FAP: variants seen among roughly 807,000 people sequenced by gnomAD.
The protein encoded by FAP is fibroblast activation protein alpha, also known as prolyl endopeptidase FAP.
FAP carries 110 observed loss-of-function variants against 126.5 expected under a neutral mutation model. The observed-to-expected ratio is 0.87, with a 90% CI of 0.74 to 1.02. The LOEUF is 1.02. FAP is among the 50% of genes least tolerant of loss of function. FAP has a pLI of 0.00. For synonymous variants in FAP, 334 were observed against 297.3 expected (o/e 1.12, Z -1.27); for missense variants, 919 against 909.2 (o/e 1.01, Z -0.14).
Position 162,215,940 on chromosome 2 carries a change from A to G in FAP, c.824T>C (p.Val275Ala), listed in dbSNP as rs1689143906. The G allele has an allele frequency of 2.5e-6, 4 of 1,614,008 alleles. No individual in the cohort carries two copies. The highest frequency in any genetic ancestry group is 1.3e-5 in the African/African-American group (1 of 74,930). The change falls in exon 10 of 26, where the codon GTA (valine) becomes GCA (alanine). Residue 275 changes from valine to alanine, a missense_variant. By Grantham distance (64) the Val-to-Ala change is moderately conservative (BLOSUM62 0). Transcript: ENST00000188790. ...TGGAACAGGCACTTCCTGGGGACCT[A>G]CATACGCAGGGTAAGTGGTATCGAT... Reference protein sequence around the residue: ...FIIDTTYPAYVGPQEVPVPAM... With the variant: ...FIIDTTYPAYAGPQEVPVPAM...
chr2:162,188,133 G>C, intron 20 of FAP, 36 bp downstream of exon 20: 2 of 1,530,240 alleles, frequency 1.3e-6, no homozygotes, highest in Non-Finnish European at 1.8e-6. Flanking sequence ...GACTTTTGTT[G>C]CATGTTGACA....
intron 6 of FAP, 37 bp from the exon 7 acceptor site, chr2:162,219,962 G>T: frequency 1.5e-6 from 2 of 1,349,180 alleles, no homozygotes; most frequent in Non-Finnish European, 2.1e-6. Context: ...AACAAACCTT[G>T]CTGTTTAATG....
At chr2:162,208,714 T>C (rs1688805389) in intron 12 of FAP, among the ~76,000 whole-genome samples, 2 of 152,116 alleles carry the variant, frequency 1.3e-5, no homozygotes, top group Admixed American at 6.5e-5. Flanking sequence ...GAGATTCAGA[T>C]TGATTAAGAA....
intron 2 of FAP, among the ~76,000 whole-genome samples, chr2:162,242,555 C>T (rs1311005304): frequency 4.6e-5 from 7 of 152,160 alleles, no homozygotes; most frequent in Admixed American, 6.5e-5. Flanking sequence ...TTACTTTCCA[C>T]GAGACAAACC....
chr2:162,198,054 G>A (rs1262574836), intron 16 of FAP: 3 of 721,594 alleles, frequency 4.2e-6, no homozygotes, highest in East Asian at 6.6e-5. Flanking sequence ...TAGATAAAAG[G>A]TTGCACATAA....
intron 22 of FAP, among the ~76,000 whole-genome samples, 200 bp downstream of exon 22, chr2:162,174,667 C>T (rs183258864): frequency 2.0e-5 from 3 of 152,074 alleles, no homozygotes; most frequent in African/African-American, 7.2e-5. Context: ...TATGGATGAG[C>T]CTTTCCTCAC....
chr2:162,203,467 T>C (rs1688577784), intron 12 of FAP, among the ~76,000 whole-genome samples: 1 of 152,356 alleles, frequency 6.6e-6, no homozygotes, highest in African/African-American at 2.4e-5. Flanking sequence ...AAACGCATGT[T>C]GATATTTAAC....
rs1178132393 is a variant in FAP, at chr2:162,172,891, CAA to C, written c.2108-9_2108-8del. 1 of 1,608,394 alleles carries C rather than the reference CAA, an allele frequency of 6.2e-7. No homozygotes were observed. Among genetic ancestry groups the C allele is most frequent in the Non-Finnish European group, 8.5e-7 (1 of 1,175,362 alleles). On this transcript the variant is annotated splice_polypyrimidine_tract_variant and splice_region_variant and intron_variant, in intron 24 of 25. Transcript: ENST00000188790. The stretch of plus-strand genomic sequence containing the variant: ...TTTTGAAAGTGCACATTATCTGCAA[CAA>C]AGAGAGAGAGAGTTAAAGTGCTGCT...
intron 2 of FAP, among the ~76,000 whole-genome samples, chr2:162,237,054 A>C (rs1050618843): frequency 6.6e-6 from 1 of 152,216 alleles, no homozygotes; most frequent in African/African-American, 2.4e-5. Context: ...AATATTAATA[A>C]GTATTGTAAG....
intron 21 of FAP, among the ~76,000 whole-genome samples, chr2:162,181,264 G>T (rs1184453920): frequency 6.6e-6 from 1 of 151,980 alleles, no homozygotes; most frequent in Non-Finnish European, 1.5e-5. Context: ...GCAACAGAGA[G>T]CAATTCTGTC....
At chr2:162,235,099 C>T (rs1690061592) in intron 2 of FAP, among the ~76,000 whole-genome samples, 1 of 152,044 alleles carries the variant, frequency 6.6e-6, no homozygotes, top group East Asian at 1.9e-4. Flanking sequence ...TCGGGACCTG[C>T]AGCCAACCAT....
chr2:162,208,015 T>C (rs1688777667), intron 12 of FAP, among the ~76,000 whole-genome samples: 1 of 149,166 alleles, frequency 6.7e-6, no homozygotes, highest in Non-Finnish European at 1.5e-5. Flanking sequence ...CCCAACTCTT[T>C]GGGAGGCCGA....
At chr2:162,199,025 G>A (rs1316990513) in intron 15 of FAP, 144 bp from the exon 16 acceptor site, 1 of 699,622 alleles carries the variant, frequency 1.4e-6, no homozygotes, top group Non-Finnish European at 2.4e-6. Context: ...AAAGTAAAGG[G>A]GAATCACAGT....
At chr2:162,226,164 C>G (rs1351096603) in intron 3 of FAP, among the ~76,000 whole-genome samples, 1 of 151,996 alleles carries the variant, frequency 6.6e-6, no homozygotes, top group Non-Finnish European at 1.5e-5. Context: ...TGTCTGTTTT[C>G]CAGATTATCC....
chr2:162,226,719 T>A, intron 2 of FAP, 98 bp from the exon 3 acceptor site: 1 of 642,170 alleles, frequency 1.6e-6, no homozygotes. Flanking sequence ...TATATAGTAA[T>A]AAGATCTGCT....
chr2:162,239,281 CCTGTCTTGGCCTCCTGA>C (rs2106306852), intron 2 of FAP, among the ~76,000 whole-genome samples: 1 of 152,232 alleles, frequency 6.6e-6, no homozygotes, highest in South Asian at 2.1e-4. Context: ...AAGAAATCCT[CCTGTCTTGGCCTCCTGA>C]CGTTCTGGGA....
intron 20 of FAP, among the ~76,000 whole-genome samples, chr2:162,187,682 GCAAA>G (rs761744167): frequency 2.6e-5 from 4 of 152,002 alleles, no homozygotes; most frequent in Non-Finnish European, 5.9e-5. Context: ...ACGAAAATAG[GCAAA>G]CACTTTCATG....
At position 162,198,679 on chromosome 2, in the gene FAP, G is replaced by A. The variant is rs111675023; in HGVS notation, c.1402+78C>T. ...ACAAATGCTCATTAACTGTAGCTAC[G>A]AATTGATCAGATAGAGGTGAGGAGG... On this transcript the variant is annotated intron_variant, in intron 16 of 25. Transcript: ENST00000188790. 69 of 1,506,448 alleles carry A rather than the reference G, an allele frequency of 4.6e-5. 1 individual carries two copies. The African/African-American group carries it at 4.7e-4, about 10-fold the overall frequency. The allele number at this position is 1,506,448 out of a possible 1,614,324, so 93.3% of individuals were successfully genotyped here.
intron 12 of FAP, among the ~76,000 whole-genome samples, chr2:162,203,899 C>A (rs188296348): frequency 2.4e-4 from 36 of 152,274 alleles, no homozygotes; most frequent in African/African-American, 8.7e-4. Flanking sequence ...TGTTCTTACA[C>A]CAAATTTTAG....
Sources: allele counts gnomAD v4.1 joint callset (sites outside exome capture counted in the v4.1 genomes callset), GRCh38; gene constraint gnomAD v4.1.1; transcripts MANE v1.5; gene names NCBI Gene and HGNC (gene_info 2026-07-23, HGNC 2026-07-21).